Variants in TBC1D8B observed in about 807,000 individuals in gnomAD.
TBC1D8B encodes RP11-321G1.1.
In TBC1D8B, 75 loss-of-function variants were observed where a neutral mutation model predicts 82.9. The ratio of observed to expected loss-of-function variants is 0.90; its 90% CI spans 0.75 to 1.10. TBC1D8B has a LOEUF of 1.10. Ranked by LOEUF, TBC1D8B falls within the 50% of genes least tolerant of loss-of-function variation. TBC1D8B has a pLI of 0.00. For missense variants in TBC1D8B, 794 were observed against 796.9 expected (o/e 1.00, Z 0.04); for synonymous variants, 276 against 276.8 (o/e 1.00, Z 0.03).
Position 106,827,157 on chromosome X carries a change from T to C in TBC1D8B, c.1036-13T>C, listed in dbSNP as rs201296799. On this transcript the variant is annotated splice_polypyrimidine_tract_variant and intron_variant, in intron 6 of 20. Transcript: ENST00000357242. ...GGAAAATTTAATTGACCTCTATGTT[T>C]TTCACCCCCTAGGTCTTAGCTATAG... The C allele has an allele frequency of 7.5e-6, 9 of 1,200,781 alleles. No individual in the cohort carries two copies. The highest frequency in any genetic ancestry group is 2.3e-4 in the Middle Eastern group (1 of 4,262).
At chrX:106,864,281 G>A (rs974692778) in intron 14 of TBC1D8B, among the ~76,000 whole-genome samples, 4 of 110,515 alleles carry the variant, frequency 3.6e-5, no homozygotes, top group African/African-American at 9.9e-5. Context: ...ACCCTCTCCC[G>A]TATTGGGGAG....
At position 106,870,547 on chromosome X, in the gene TBC1D8B, TC is replaced by T. The variant is rs765095993; in HGVS notation, c.2870-168del. On this transcript the variant is annotated intron_variant, in intron 19 of 20. Coordinates refer to ENST00000357242, the MANE Select transcript of TBC1D8B (RefSeq NM_017752.3). ...GTCTAAACAGAAATGGGAAAAGTAT[TC>T]TGAGAGCCAGTGGGTGAAATGAAAG... Among the ~76,000 whole-genome samples the T allele has an allele frequency of 4.2e-3, 473 of 111,953 alleles. 2 individuals are homozygous for T. The highest frequency in any genetic ancestry group is 0.015 in the African/African-American group (465 of 30,830).
intron 1 of TBC1D8B, among the ~76,000 whole-genome samples, chrX:106,817,540 T>C (rs957516686): frequency 1.8e-5 from 2 of 111,634 alleles, no homozygotes; most frequent in African/African-American, 6.5e-5. Flanking sequence ...ATCTTCGGGC[T>C]ATATGTATAA....
At chrX:106,859,091 G>T (rs1391864872) in intron 14 of TBC1D8B, among the ~76,000 whole-genome samples, 2 of 112,173 alleles carry the variant, frequency 1.8e-5, no homozygotes, top group African/African-American at 6.5e-5. Flanking sequence ...CCTGTACCAT[G>T]CTGTTTTGGT....
Position 106,869,511 on chromosome X carries a change from G to A in TBC1D8B, c.2839G>A (p.Ala947Thr). ...TTCCAAGCCTGCAAATGAGAAGGAA[G>A]CAGAATCAGCAAAACACAGCCCTGA... ...HVSKPANEKE[A>T]ESAKHSPEKG... Residue 947 changes from alanine to threonine, a missense_variant, in exon 19 of 21, where the codon GCA becomes ACA. Ala to Thr is a moderately conservative substitution (Grantham distance 58). Coordinates refer to ENST00000357242, the MANE Select transcript of TBC1D8B (RefSeq NM_017752.3). 2 of 1,208,223 alleles carry A rather than the reference G, an allele frequency of 1.7e-6. No individual in the cohort carries two copies. The highest frequency in any genetic ancestry group is 2.2e-6 in the Non-Finnish European group (2 of 893,064).
chrX:106,832,434 C>T (rs1385972459), intron 7 of TBC1D8B, among the ~76,000 whole-genome samples: 2 of 110,967 alleles, frequency 1.8e-5, no homozygotes, highest in African/African-American at 6.5e-5. Context: ...TAATCAAGAA[C>T]TATTACTAGA....
intron 8 of TBC1D8B, 129 bp from the exon 9 acceptor site, chrX:106,839,919 T>A: frequency 3.2e-6 from 2 of 622,014 alleles, no homozygotes; most frequent in Non-Finnish European, 4.8e-6. Flanking sequence ...CCTGGGTGAA[T>A]ACTGATTTTG....
chrX:106,816,582 A>G (rs925974832), intron 1 of TBC1D8B, among the ~76,000 whole-genome samples: 6 of 109,350 alleles, frequency 5.5e-5, no homozygotes, highest in African/African-American at 2.0e-4. Context: ...CTTTCATAAT[A>G]TTTGTCAGTT....
intron 1 of TBC1D8B, among the ~76,000 whole-genome samples, chrX:106,812,853 T>C (rs1172722739): frequency 9.0e-6 from 1 of 111,389 alleles, no homozygotes; most frequent in East Asian, 2.8e-4. Context: ...TTTATTCATT[T>C]ATTTATTTAT....
chrX:106,850,069 C>T lies in TBC1D8B; in HGVS notation c.1882C>T (p.His628Tyr). Residue 628 changes from histidine to tyrosine, a missense_variant, in exon 12 of 21, where the codon CAC (histidine) becomes TAC (tyrosine). His to Tyr is a moderately conservative substitution (Grantham distance 83). Coordinates refer to ENST00000357242, the MANE Select transcript of TBC1D8B (RefSeq NM_017752.3). ...AGTCTTTGAAGAACTTATCAGGGAT[C>T]ACCTTCCTCAGCTGACAGAACACAT... ...QAVFEELIRD[H>Y]LPQLTEHMTD... is the part of the protein sequence containing the mutation. 2 of 1,209,117 alleles carry T rather than the reference C, an allele frequency of 1.7e-6. No homozygotes were observed. Among genetic ancestry groups the T allele is most frequent in the Non-Finnish European group, 2.2e-6 (2 of 894,360 alleles).
Position 106,848,281 on chromosome X carries a change from T to C in TBC1D8B, c.1815T>C (p.Asp605=), listed in dbSNP as rs1375262156. 3.4e-6 allele frequency: 4 copies of C among 1,186,427 alleles called. No homozygotes were observed. Among genetic ancestry groups the C allele is most frequent in the Non-Finnish European group, 4.5e-6 (4 of 879,771 alleles). The part of the protein sequence containing the change: ...LVAVCERMLP[D]YFNRRIIGAL... ...CTGTATGTGAACGAATGTTGCCTGA[T>C]TATTTTAATCGTCGAATTATTGGTA... Residue 605 remains aspartate, a synonymous_variant, in exon 11 of 21, where the codon GAT becomes GAC. Coordinates refer to ENST00000357242, the MANE Select transcript of TBC1D8B (RefSeq NM_017752.3).
chrX:106,873,461 G>A, intron 20 of TBC1D8B, 109 bp from the exon 21 acceptor site: 2 of 814,626 alleles, frequency 2.5e-6, no homozygotes, highest in South Asian at 3.0e-5. Flanking sequence ...CTTCTAGGGT[G>A]AAGCTTCTAT....
At position 106,827,304 on chromosome X, in the gene TBC1D8B, A is replaced by C. The variant is rs777475015; in HGVS notation, c.1170A>C (p.Ala390=). Residue 390 remains alanine (A), a synonymous_variant, in exon 7 of 21, where the codon GCA becomes GCC. Transcript: ENST00000357242. The stretch of plus-strand genomic sequence containing the variant: ...CAAAACTCAGGCTCAGATGCGGAGC[A>C]GCTTCAACTCAATATCATGATATTA... ...LVAKLRLRCG[A]ASTQYHDIST... The C allele has an allele frequency of 1.7e-5, 21 of 1,209,474 alleles. No homozygotes were observed. Among genetic ancestry groups the C allele is most frequent in the Non-Finnish European group, 2.0e-5 (18 of 894,837 alleles).
At position 106,862,529 on chromosome X, in the gene TBC1D8B, G is replaced by C. The variant is rs1169823861; in HGVS notation, c.2353-3030G>C. On this transcript the variant is annotated intron_variant, in intron 14 of 20. Coordinates refer to ENST00000357242, the MANE Select transcript of TBC1D8B (RefSeq NM_017752.3). ...TGTATTCCTTAGATTCCTTGGATTG[G>C]GTTTCAACATTCTCCTGAATCTCAA... Among the ~76,000 whole-genome samples the C allele has an allele frequency of 3.6e-5, 4 of 110,748 alleles. No individual in the cohort carries two copies. In the East Asian group the frequency reaches 8.5e-4, roughly 24 times the overall value.
intron 20 of TBC1D8B, among the ~76,000 whole-genome samples, chrX:106,872,451 ATATT>A (rs762201911): frequency 2.3e-4 from 4 of 17,438 alleles, no homozygotes; most frequent in Non-Finnish European, 4.3e-4. Context: ...ACCCAGAAAA[ATATT>A]TATATATATA....
chrX:106,818,223 G>T (rs763775606), intron 1 of TBC1D8B, among the ~76,000 whole-genome samples: 7 of 111,215 alleles, frequency 6.3e-5, no homozygotes, highest in Non-Finnish European at 1.1e-4. Context: ...ACAGCCCTTT[G>T]TAGTAGGATC....
chrX:106,860,888 G>A (rs1040151561), intron 14 of TBC1D8B, among the ~76,000 whole-genome samples: 2 of 111,537 alleles, frequency 1.8e-5, no homozygotes, highest in Admixed American at 9.5e-5. Flanking sequence ...TCTTAACACT[G>A]CTTTAACTGT....
intron 14 of TBC1D8B, among the ~76,000 whole-genome samples, chrX:106,863,724 G>T (rs2147771156): frequency 8.9e-6 from 1 of 112,183 alleles, no homozygotes; most frequent in South Asian, 3.8e-4. Context: ...TTGCCCACCT[G>T]GCTACCAGTG....
intron 1 of TBC1D8B, chrX:106,815,810 C>T (rs1282517310): frequency 9.0e-6 from 1 of 111,659 alleles, no homozygotes; most frequent in Non-Finnish European, 1.9e-5. Context: ...AGACAAAAAC[C>T]ACATGATTAT....
Sources: allele counts gnomAD v4.1 joint callset (sites outside exome capture counted in the v4.1 genomes callset), GRCh38; gene constraint gnomAD v4.1.1; transcripts MANE v1.5; gene names NCBI Gene and HGNC (gene_info 2026-07-23, HGNC 2026-07-21).